Variants in GRIA2 observed in about 807,000 individuals in gnomAD.
GRIA2 encodes the protein glutamate ionotropic receptor AMPA type subunit 2, also known as glutamate receptor 2.
A neutral mutation model predicts 97.3 loss-of-function variants in GRIA2; 14 were observed. The ratio of observed to expected loss-of-function variants is 0.14; its 90% confidence interval spans 0.10 to 0.23. The LOEUF is 0.23. Among genes scored for constraint, GRIA2 ranks in the 10% least tolerant of loss-of-function variants. GRIA2 has a pLI of 1.00. For synonymous variants in GRIA2, 412 were observed against 387.8 expected (o/e 1.06, Z -0.73); for missense variants, 558 against 1,069.8 (o/e 0.52, Z 6.67).
At chr4:157,223,257 A>T (rs1451004935) in intron 2 of GRIA2, among the ~76,000 whole-genome samples, 1 of 152,188 alleles carries the variant, frequency 6.6e-6, no homozygotes, top group African/African-American at 2.4e-5. Flanking sequence ...TCTTAGACTG[A>T]TAGAATAGGG....
intron 10 of GRIA2, among the ~76,000 whole-genome samples, chr4:157,336,105 A>G (rs1342335325): frequency 1.3e-5 from 2 of 152,078 alleles, no homozygotes; most frequent in Non-Finnish European, 2.9e-5. Context: ...CATATGGGCC[A>G]TATGTATTGT....
intron 3 of GRIA2, among the ~76,000 whole-genome samples, chr4:157,309,420 C>T (rs1314160210): frequency 6.8e-6 from 1 of 147,768 alleles, no homozygotes; most frequent in African/African-American, 2.5e-5. Context: ...GGCGTGACCT[C>T]GGCTCACTGC....
At chr4:157,229,928 T>A (rs2126689366) in intron 2 of GRIA2, among the ~76,000 whole-genome samples, 1 of 152,326 alleles carries the variant, frequency 6.6e-6, no homozygotes, top group Admixed American at 6.5e-5. Flanking sequence ...TTTAGTCTAA[T>A]CTTCCTAAGT....
At chr4:157,288,998 A>G (rs1023622835) in intron 2 of GRIA2, among the ~76,000 whole-genome samples, 29 of 151,922 alleles carry the variant, frequency 1.9e-4, no homozygotes, top group Admixed American at 2.6e-4. Flanking sequence ...TTAACAATGT[A>G]TTTGTTTTTA....
At chr4:157,223,242 A>T (rs1362656631) in intron 2 of GRIA2, among the ~76,000 whole-genome samples, 1 of 152,122 alleles carries the variant, frequency 6.6e-6, no homozygotes, top group Admixed American at 6.5e-5. Flanking sequence ...ATGAAGAAAC[A>T]ATTTTCTTAG....
chr4:157,301,051 G>T (rs1487012842), intron 2 of GRIA2, among the ~76,000 whole-genome samples: 1 of 152,108 alleles, frequency 6.6e-6, no homozygotes, highest in Non-Finnish European at 1.5e-5. Context: ...AAATCATATT[G>T]CATGATATTC....
At chr4:157,360,550 C>G (rs1466843506) in intron 13 of GRIA2, 1 of 394,100 alleles carries the variant, frequency 2.5e-6, no homozygotes, top group African/African-American at 2.1e-5. Flanking sequence ...ACTGAAATAA[C>G]TAACTGAGAA....
At chr4:157,352,950 C>T (rs1197038817) in intron 12 of GRIA2, among the ~76,000 whole-genome samples, 3 of 151,030 alleles carry the variant, frequency 2.0e-5, no homozygotes, top group East Asian at 3.9e-4. Flanking sequence ...TCCCAGCTAC[C>T]GGAGAGGCTG....
chr4:157,300,365 T>A (rs1733561689), intron 2 of GRIA2, among the ~76,000 whole-genome samples: 2 of 152,078 alleles, frequency 1.3e-5, no homozygotes, highest in Admixed American at 6.6e-5. Flanking sequence ...TAGTGCTAAG[T>A]TTTTCATCTT....
intron 1 of GRIA2, 173 bp downstream of exon 1, chr4:157,221,303 A>G (rs1579281093): frequency 1.7e-6 from 1 of 596,482 alleles, no homozygotes; most frequent in Non-Finnish European, 3.0e-6. Flanking sequence ...AAAGGAAAAG[A>G]CTATGCCTTT....
At chr4:157,287,697 T>G (rs1483038641) in intron 2 of GRIA2, among the ~76,000 whole-genome samples, 3 of 151,354 alleles carry the variant, frequency 2.0e-5, no homozygotes, top group African/African-American at 7.3e-5. Flanking sequence ...CAGAGTCGAG[T>G]AAGAGATTTT....
intron 2 of GRIA2, among the ~76,000 whole-genome samples, chr4:157,297,951 C>T (rs1024212996): frequency 6.6e-6 from 1 of 151,496 alleles, no homozygotes. Flanking sequence ...TAAAGGATGA[C>T]AGCTAGGGTG....
chr4:157,249,470 T>G (rs982802504), intron 2 of GRIA2: 3 of 152,164 alleles, frequency 2.0e-5, no homozygotes, highest in Non-Finnish European at 4.4e-5. Flanking sequence ...TGATTATTTA[T>G]TGAATGCTTT....
intron 11 of GRIA2, among the ~76,000 whole-genome samples, chr4:157,340,901 T>C (rs1735519271): frequency 6.6e-6 from 1 of 152,050 alleles, no homozygotes; most frequent in South Asian, 2.1e-4. Flanking sequence ...GGTTTGCTGG[T>C]GATATTACAT....
At chr4:157,284,385 C>T (rs1032739469) in intron 2 of GRIA2, among the ~76,000 whole-genome samples, 2 of 151,786 alleles carry the variant, frequency 1.3e-5, no homozygotes, top group African/African-American at 2.4e-5. Flanking sequence ...TCATCTCATC[C>T]TTAATGACTT....
At chr4:157,263,830 G>T (rs1186048283) in intron 2 of GRIA2, among the ~76,000 whole-genome samples, 2 of 152,080 alleles carry the variant, frequency 1.3e-5, no homozygotes, top group Admixed American at 6.6e-5. Context: ...GGAGAGTCAA[G>T]ATCATAGATG....
chr4:157,294,967 A>G (rs190067575), intron 2 of GRIA2, among the ~76,000 whole-genome samples: 206 of 152,270 alleles, frequency 1.4e-3, no homozygotes, highest in African/African-American at 4.7e-3. Flanking sequence ...AAAGAATGAG[A>G]CTATCACTTG....
intron 2 of GRIA2, among the ~76,000 whole-genome samples, chr4:157,287,853 C>T (rs2126828146): frequency 6.6e-6 from 1 of 151,686 alleles, no homozygotes; most frequent in Admixed American, 6.6e-5. Flanking sequence ...AATTAATTGT[C>T]ATGAAGACAG....
At chr4:157,266,797 TG>T (rs1483733726) in intron 2 of GRIA2, among the ~76,000 whole-genome samples, 1 of 152,116 alleles carries the variant, frequency 6.6e-6, no homozygotes, top group Non-Finnish European at 1.5e-5. Flanking sequence ...CCAGTTGCAG[TG>T]GCTCATGCCT....
Sources: gnomAD v4.1 joint callset for allele counts (sites outside exome capture counted in the v4.1 genomes callset) on GRCh38, gnomAD v4.1.1 for gene constraint, MANE v1.5 for transcripts, NCBI Gene and HGNC (gene_info 2026-07-23, HGNC 2026-07-21) for gene names.